The following GPM6A variants were observed in gnomAD, a reference collection of about 807,000 sequenced individuals.
GPM6A encodes the protein neuronal membrane glycoprotein M6-a.
Under a neutral mutation model 32.1 loss-of-function variants are expected in GPM6A, and 7 were observed. The observed-to-expected ratio is 0.22, with a 90% CI of 0.12 to 0.41. The LOEUF (loss-of-function observed/expected upper bound fraction) is 0.41. Among genes scored for constraint, GPM6A ranks in the 10% least tolerant of loss-of-function variants. GPM6A has a pLI of 1.00. For synonymous variants in GPM6A, 130 were observed against 123.4 expected (o/e 1.05, Z -0.35); for missense variants, 235 against 347.2 (o/e 0.68, Z 2.57).
intron 1 of GPM6A, among the ~76,000 whole-genome samples, chr4:175,880,897 C>T (rs952407317): frequency 1.3e-5 from 2 of 152,112 alleles, no homozygotes; most frequent in Admixed American, 6.6e-5. Context: ...TGTCTGATTG[C>T]CCTGGCCAGA....
intron 3 of GPM6A, among the ~76,000 whole-genome samples, chr4:175,672,645 C>T (rs1311414577): frequency 6.6e-6 from 1 of 152,112 alleles, no homozygotes; most frequent in East Asian, 1.9e-4. Flanking sequence ...TAATAAGGCA[C>T]AATTTAAAGC....
chr4:175,942,230 T>G (rs1258223834), intron 1 of GPM6A, among the ~76,000 whole-genome samples: 1 of 152,206 alleles, frequency 6.6e-6, no homozygotes, highest in Non-Finnish European at 1.5e-5. Context: ...TGGGGTTGTT[T>G]TTTTCTTCTA....
intron 1 of GPM6A, among the ~76,000 whole-genome samples, chr4:176,001,775 G>T (rs1353780195): frequency 1.3e-5 from 2 of 152,194 alleles, no homozygotes; most frequent in Admixed American, 1.3e-4. Context: ...ATTGTCCCCA[G>T]TCTGGCCCTG....
At chr4:175,789,097 C>T (rs1733910968) in intron 1 of GPM6A, among the ~76,000 whole-genome samples, 1 of 152,162 alleles carries the variant, frequency 6.6e-6, no homozygotes, top group East Asian at 1.9e-4. Flanking sequence ...GGGTTTTAGG[C>T]CCAGTTCTAT....
chr4:175,695,469 G>A (rs1030054748), intron 2 of GPM6A, among the ~76,000 whole-genome samples: 3 of 152,186 alleles, frequency 2.0e-5, no homozygotes, highest in African/African-American at 7.2e-5. Flanking sequence ...GAGACACGAA[G>A]TCAAAGGAAA....
At position 175,739,630 on chromosome 4, in the gene GPM6A, C is replaced by T. The variant is rs75555308; in HGVS notation, c.38-37863G>A. On this transcript the variant is annotated intron_variant, in intron 1 of 6. Transcript: ENST00000393658. ...TGTAAACATAGAGACTTTTTTAATT[C>T]CATTCATGAGTCACATTTTTATAAC... Among the ~76,000 whole-genome samples, 874 of 152,096 alleles carry T rather than the reference C, an allele frequency of 5.7e-3. 9 individuals are homozygous for T. Among genetic ancestry groups the T allele is most frequent in the Middle Eastern group, 0.024 (7 of 294 alleles).
chr4:175,941,874 A>G (rs1739423689), intron 1 of GPM6A, among the ~76,000 whole-genome samples: 1 of 152,236 alleles, frequency 6.6e-6, no homozygotes, highest in Non-Finnish European at 1.5e-5. Flanking sequence ...AGAATGATTT[A>G]TAATCCTTTG....
chr4:175,912,761 T>C (rs1471524087), intron 1 of GPM6A, among the ~76,000 whole-genome samples: 1 of 152,176 alleles, frequency 6.6e-6, no homozygotes, highest in Non-Finnish European at 1.5e-5. Flanking sequence ...CCTTATCTCC[T>C]CATATTCACA....
intron 1 of GPM6A, among the ~76,000 whole-genome samples, chr4:175,767,124 C>T (rs763068216): frequency 2.0e-4 from 31 of 152,106 alleles, no homozygotes; most frequent in South Asian, 4.1e-4. Flanking sequence ...ATGAGTCTAG[C>T]GCATTTTCCT....
intron 1 of GPM6A, among the ~76,000 whole-genome samples, chr4:175,797,613 G>A (rs1021914362): frequency 6.6e-6 from 1 of 152,032 alleles, no homozygotes; most frequent in Non-Finnish European, 1.5e-5. Flanking sequence ...CCAGATTAAA[G>A]ACTATATATC....
intron 1 of GPM6A, among the ~76,000 whole-genome samples, chr4:175,742,894 C>A (rs1731945593): frequency 6.6e-6 from 1 of 151,982 alleles, no homozygotes. Context: ...TGCCTGTAAT[C>A]CCAGCACTTA....
chr4:175,965,005 C>A (rs1469787039), intron 1 of GPM6A, among the ~76,000 whole-genome samples: 2 of 152,154 alleles, frequency 1.3e-5, no homozygotes, highest in Non-Finnish European at 2.9e-5. Context: ...ACTGCTCAAT[C>A]TGCAATTGAA....
intron 1 of GPM6A, among the ~76,000 whole-genome samples, chr4:175,998,195 C>T (rs1166655409): frequency 6.6e-6 from 1 of 151,466 alleles, no homozygotes; most frequent in Non-Finnish European, 1.5e-5. Context: ...TCTCTGTTGT[C>T]CAGGCTGGAG....
intron 3 of GPM6A, among the ~76,000 whole-genome samples, chr4:175,652,897 A>T (rs1167094682): frequency 6.6e-6 from 1 of 152,178 alleles, no homozygotes; most frequent in African/African-American, 2.4e-5. Flanking sequence ...TCAGAAGTAC[A>T]CTTTGATCAA....
At chr4:175,730,516 G>T (rs1731374474) in intron 1 of GPM6A, among the ~76,000 whole-genome samples, 1 of 150,924 alleles carries the variant, frequency 6.6e-6, no homozygotes, top group Non-Finnish European at 1.5e-5. Context: ...TGTCGCCCAG[G>T]CTGGAGTGCA....
In GPM6A at chr4:175,776,740, A is replaced by G. The variant is rs541592862; in HGVS notation, c.37+35451T>C. On this transcript the variant is annotated intron_variant, in intron 1 of 6. Transcript: ENST00000393658. ...TTCACACTTACACATTATTTATCGAACCCCCACCATGATTTTTGAAACACC... is the reference window on the plus strand; with the variant it reads ...TTCACACTTACACATTATTTATCGAGCCCCCACCATGATTTTTGAAACACC... 1.4e-3 allele frequency among the ~76,000 whole-genome samples: 212 copies of G among 152,196 alleles called. 1 individual carries two copies. The highest frequency in any genetic ancestry group is 4.9e-3 in the African/African-American group (204 of 41,490).
At chr4:175,724,599 A>G (rs534799636) in intron 1 of GPM6A, among the ~76,000 whole-genome samples, 2 of 152,226 alleles carry the variant, frequency 1.3e-5, no homozygotes, top group African/African-American at 4.8e-5. Context: ...GCACTTACAG[A>G]CGCTGGGGGT....
rs1739075945 is a variant in GPM6A at position 175,932,303 on chromosome 4, A to G, written c.-23+70006T>C. On this transcript the variant is annotated intron_variant, in intron 1 of 7. Coordinates refer to the GPM6A transcript ENST00000280187. ...GGGGATTAAGGCTCTTATAAACAAG[A>G]CTGCACACAATGCTCTGCCCTCTTG... is the stretch of plus-strand genomic sequence containing the variant. Among the ~76,000 whole-genome samples, 4 of 152,184 alleles carry G rather than the reference A, an allele frequency of 2.6e-5. No homozygotes were observed. In the South Asian group the frequency reaches 8.3e-4, roughly 32 times the overall value.
chr4:175,985,594 G>A (rs1328925813), intron 1 of GPM6A, among the ~76,000 whole-genome samples: 4 of 152,042 alleles, frequency 2.6e-5, no homozygotes, highest in Admixed American at 6.6e-5. Flanking sequence ...CAAAGTCAGC[G>A]CTGAATAGCA....
Sources: allele counts gnomAD v4.1 joint callset (sites outside exome capture counted in the v4.1 genomes callset), GRCh38; gene constraint gnomAD v4.1.1; transcripts MANE v1.5; gene names NCBI Gene and HGNC (gene_info 2026-07-23, HGNC 2026-07-21).